MARVELD3: variants seen among roughly 807,000 people sequenced by gnomAD.
The protein encoded by MARVELD3 is MARVEL domain-containing protein 3.
A neutral mutation model predicts 33.5 loss-of-function variants in MARVELD3; 28 were observed. The ratio of observed to expected loss-of-function variants is 0.84; its 90% confidence interval spans 0.62 to 1.15. The LOEUF (loss-of-function observed/expected upper bound fraction) is 1.15. MARVELD3 is among the 50% of genes most tolerant of loss of function. The pLI is 0.00. For synonymous variants in MARVELD3, 241 were observed against 230.4 expected (o/e 1.05, Z -0.42); for missense variants, 582 against 547.6 (o/e 1.06, Z -0.63).
chr16:71,626,824 C>T lies in MARVELD3; in HGVS notation c.467+128C>T. 1.2e-6 allele frequency: 1 copy of T among 821,788 alleles called. No individual in the cohort carries two copies. The highest frequency in any genetic ancestry group is 3.2e-5 in the East Asian group (1 of 30,840). The allele number at this position is 821,788 out of a possible 1,614,324, so 50.9% of individuals were successfully genotyped here. ...TTTAAATGAACAAATGCCGTTTCTC[C>T]CTTCTGCGCTCTCAGAGGCGACCTG... On this transcript the variant is annotated intron_variant, in intron 1 of 2. Transcript: ENST00000268485. This position sits in a 1 kb window ranked among gnomAD's most constrained non-coding sequence, Gnocchi z 5.3.
downstream of MARVELD3, chr16:71,641,449 G>A (rs139582245): frequency 1.7e-3 from 290 of 165,918 alleles, 1 homozygote; most frequent in Admixed American, 2.7e-3. Flanking sequence ...TTAGCTGGGC[G>A]TGGTGGCAGG....
chr16:71,641,180 T>C (rs1013303844), downstream of MARVELD3: 11 of 947,978 alleles, frequency 1.2e-5, no homozygotes, highest in African/African-American at 1.5e-4. Flanking sequence ...AGGACGGGCA[T>C]GGTGGCTCAT....
intron 1 of MARVELD3, 180 bp from the exon 2 acceptor site, chr16:71,629,187 A>G: frequency 1.6e-6 from 1 of 622,504 alleles, no homozygotes; most frequent in Non-Finnish European, 2.5e-6. Flanking sequence ...AGCTGGGCCA[A>G]GTATTTGGAT....
At chr16:71,630,556 G>A (rs1423149602) in intron 2 of MARVELD3, among the ~76,000 whole-genome samples, 5 of 151,454 alleles carry the variant, frequency 3.3e-5, no homozygotes, top group East Asian at 1.9e-4. Flanking sequence ...CCCGGGAGGC[G>A]GAGGTTGCAG....
In MARVELD3 at chr16:71,636,140, T is replaced by C; in HGVS notation, c.*1337T>C. On this transcript the variant is annotated 3_prime_UTR_variant, in exon 3 of 3. Coordinates refer to ENST00000268485, the MANE Select transcript of MARVELD3 (RefSeq NM_052858.6). ...ATGACTTATGGAACATTACAATATA[T>C]TCTCGGTCCAAGTGAGTAAGTTCTT... The C allele has an allele frequency of 1.0e-6, 1 of 985,340 alleles. No individual in the cohort carries two copies. The highest frequency in any genetic ancestry group is 1.2e-6 in the Non-Finnish European group (1 of 829,822). The allele number at this position is 985,340 out of a possible 1,614,324, so 61.0% of individuals were successfully genotyped here.
chr16:71,629,266 TCTG>T, intron 1 of MARVELD3, 98 bp from the exon 2 acceptor site: 1 of 1,274,856 alleles, frequency 7.8e-7, no homozygotes, highest in Non-Finnish European at 1.1e-6. Flanking sequence ...CTATTTCTGT[TCTG>T]CTAATATTTG....
At chr16:71,628,154 A>G (rs2044493714) in intron 1 of MARVELD3, among the ~76,000 whole-genome samples, 1 of 152,242 alleles carries the variant, frequency 6.6e-6, no homozygotes, top group Non-Finnish European at 1.5e-5. Context: ...CCAGGGAAAC[A>G]GCTGTTGTTT....
chr16:71,627,536 T>C (rs1373551345), intron 1 of MARVELD3, among the ~76,000 whole-genome samples: 1 of 150,792 alleles, frequency 6.6e-6, no homozygotes, highest in African/African-American at 2.4e-5. Flanking sequence ...TGGGAGACGC[T>C]ACATTTTTAA....
chr16:71,640,020 G>A (rs1218636124), downstream of MARVELD3, among the ~76,000 whole-genome samples: 1 of 152,132 alleles, frequency 6.6e-6, no homozygotes. Flanking sequence ...TGTAATCTCA[G>A]GACTTTGGGA....
At chr16:71,641,134 AT>A (rs1156810103), downstream of MARVELD3, 137 of 1,365,770 alleles carry the variant, frequency 1.0e-4, no homozygotes, top group Non-Finnish European at 1.2e-4. Context: ...GACTTTATAA[AT>A]GCTCTCTTTG....
intron 2 of MARVELD3, among the ~76,000 whole-genome samples, chr16:71,632,596 T>A (rs2044543486): frequency 1.3e-5 from 2 of 151,722 alleles, no homozygotes. Flanking sequence ...TTCTTTTTTT[T>A]TTTATTTTTT....
rs2044467132 is a variant in MARVELD3 at position 71,626,332 on chromosome 16, CGGGACCGACCCG to C, written c.110_121del (p.Arg37_Asp40del). ...CCAAGGCCGCACCCACGATCGACCGCGGGACCGACCCGGGGACCCGCGCAGGAAGCGAAGCAG... is the reference window on the plus strand; with the variant it reads ...CCAAGGCCGCACCCACGATCGACCGCGGGACCCGCGCAGGAAGCGAAGCAG... On this transcript the variant is annotated inframe_deletion, in exon 1 of 3. Transcript: ENST00000268485. The surrounding 1 kb of genome is among the most constrained non-coding windows in gnomAD (Gnocchi z 5.3). 2.6e-6 allele frequency: 4 copies of C among 1,548,240 alleles called. No individual in the cohort carries two copies. In the African/African-American group the frequency reaches 4.1e-5, roughly 16 times the overall value.
At chr16:71,629,202 C>T (rs1256873888) in intron 1 of MARVELD3, 165 bp from the exon 2 acceptor site, 2 of 713,350 alleles carry the variant, frequency 2.8e-6, no homozygotes, top group African/African-American at 1.9e-5. Flanking sequence ...TTGGATGTCC[C>T]GTGGGGCCAC....
Position 71,626,200 on chromosome 16 carries a change from C to A in MARVELD3, c.-30C>A. On this transcript the variant is annotated 5_prime_UTR_variant, in exon 1 of 3. Transcript: ENST00000268485. This position sits in a 1 kb window ranked among gnomAD's most constrained non-coding sequence, Gnocchi z 5.3. ...AACTTGTTGGTTGTTGCCCTCAGGT[C>A]GCTCCCGGGCGGGGACACGGAACCC... 2 of 1,443,638 alleles carry A rather than the reference C, an allele frequency of 1.4e-6. No homozygotes were observed. Among genetic ancestry groups the A allele is most frequent in the South Asian group, 1.5e-5 (1 of 67,650 alleles). 89.4% of individuals were successfully genotyped at this position (1,443,638 alleles called of 1,614,324 possible).
Position 71,634,801 on chromosome 16 carries a change from T to C in MARVELD3, c.1204T>C (p.Ter402GlnextTer17). ...GAAGCCAGCAGAAATGTTTGAATTT[T>C]AAGGGTTTCTAAAACGCTCTGACAG... ...KEKPAEMFEF* is the reference protein window; with the variant it reads ...KEKPAEMFEFQ Residue 402 changes from the stop codon to glutamine, a stop_lost, in exon 3 of 3, where the codon TAA (stop) becomes CAA (glutamine). Coordinates refer to ENST00000268485, the MANE Select transcript of MARVELD3 (RefSeq NM_052858.6). 1 of 1,589,700 alleles carries C rather than the reference T, an allele frequency of 6.3e-7. No homozygotes were observed. The highest frequency in any genetic ancestry group is 8.5e-7 in the Non-Finnish European group (1 of 1,169,666).
At chr16:71,632,860 C>T (rs112386733) in intron 2 of MARVELD3, among the ~76,000 whole-genome samples, 7 of 152,062 alleles carry the variant, frequency 4.6e-5, no homozygotes, top group African/African-American at 1.7e-4. Flanking sequence ...GATCTGCCTG[C>T]CTCGGCCTCC....
chr16:71,630,846 A>G (rs2044526219), intron 2 of MARVELD3, among the ~76,000 whole-genome samples: 1 of 152,062 alleles, frequency 6.6e-6, no homozygotes, highest in Admixed American at 6.5e-5. Flanking sequence ...TAAAAACCAT[A>G]GTTATTTAGG....
chr16:71,626,924 G>T lies in MARVELD3; in HGVS notation c.467+228G>T, dbSNP rs950559192. ...CTAACAAAGCAAAAACCACCCCTGT[G>T]AGCAGTGGCTGGGCTGGAGGACCTG... On this transcript the variant is annotated intron_variant, in intron 1 of 2. Coordinates refer to ENST00000268485, the MANE Select transcript of MARVELD3 (RefSeq NM_052858.6). This position sits in a 1 kb window ranked among gnomAD's most constrained non-coding sequence, Gnocchi z 5.3. The T allele has an allele frequency of 4.4e-6, 2 of 457,410 alleles. No individual in the cohort carries two copies. The highest frequency in any genetic ancestry group is 4.1e-5 in the African/African-American group (2 of 48,446). 28.3% of individuals were successfully genotyped at this position (457,410 alleles called of 1,614,324 possible). A position where few individuals can be genotyped will look rare whatever the true frequency, so the allele number is the denominator to read the frequency against.
Position 71,626,263 on chromosome 16 carries a change from G to A in MARVELD3, c.34G>A (p.Ala12Thr). The A allele has an allele frequency of 1.3e-6, 2 of 1,529,266 alleles. No individual in the cohort carries two copies. The highest frequency in any genetic ancestry group is 1.8e-6 in the Non-Finnish European group (2 of 1,138,380). 94.7% of individuals were successfully genotyped at this position (1,529,266 alleles called of 1,614,324 possible). A position where few individuals can be genotyped will look rare whatever the true frequency, so the allele number is the denominator to read the frequency against. ...TCCGTCGGGGGCTCGCGAGCCCCGG[G>A]CCCGGCCGAGAGAGCGGGACCCGGG... ...EDPSGAREPR[A>T]RPRERDPGRR... Residue 12 changes from alanine to threonine, a missense_variant, in exon 1 of 3, where the codon GCC becomes ACC. Ala to Thr is a moderately conservative substitution (Grantham distance 58). Coordinates refer to ENST00000268485, the MANE Select transcript of MARVELD3 (RefSeq NM_052858.6). This position sits in a 1 kb window ranked among gnomAD's most constrained non-coding sequence, Gnocchi z 5.3.
Sources: gnomAD v4.1 joint callset for allele counts (sites outside exome capture counted in the v4.1 genomes callset) on GRCh38, gnomAD v4.1.1 for gene constraint, Gnocchi (gnomAD v3.1) non-coding constraint, MANE v1.5 for transcripts, NCBI Gene and HGNC (gene_info 2026-07-23, HGNC 2026-07-21) for gene names.